Variants in KCNK13 observed in about 807,000 individuals in gnomAD.
KCNK13 encodes the protein potassium two pore domain channel subfamily K member 13.
In KCNK13, 12 loss-of-function variants were observed where a neutral mutation model predicts 23.4. That is an observed-to-expected ratio of 0.51 (90% CI 0.33 to 0.83). The LOEUF is 0.83. Ranked by LOEUF, KCNK13 falls within the 40% of genes least tolerant of loss-of-function variation. The probability of loss-of-function intolerance (pLI) is 0.02; values close to 1 mark genes in which losing one functional copy is unlikely to be tolerated. For missense variants in KCNK13, 463 were observed against 556.3 expected (o/e 0.83, Z 1.69); for synonymous variants, 231 against 229.5 (o/e 1.01, Z -0.06).
At chr14:90,150,563 A>G (rs1457128970) in intron 1 of KCNK13, among the ~76,000 whole-genome samples, 1 of 152,224 alleles carries the variant, frequency 6.6e-6, no homozygotes, top group East Asian at 1.9e-4. Flanking sequence ...TGATGAGGCA[A>G]AAACCAGCCA....
At chr14:90,115,330 G>T (rs1889663761) in intron 1 of KCNK13, among the ~76,000 whole-genome samples, 2 of 152,146 alleles carry the variant, frequency 1.3e-5, no homozygotes, top group South Asian at 4.1e-4. Context: ...GCTCCTGCTG[G>T]TCACTGGGCT....
At chr14:90,097,619 A>G (rs1268925725) in intron 1 of KCNK13, among the ~76,000 whole-genome samples, 3 of 152,198 alleles carry the variant, frequency 2.0e-5, no homozygotes, top group African/African-American at 4.8e-5. Context: ...ATTGACTGCC[A>G]CAAACTGTAT....
intron 1 of KCNK13, among the ~76,000 whole-genome samples, chr14:90,141,794 T>TGTG (rs1555351989): frequency 8.0e-5 from 10 of 125,546 alleles, no homozygotes; most frequent in Non-Finnish European, 8.1e-5. Context: ...TTTTGTTTTT[T>TGTG]GGGGGGGGGG....
intron 1 of KCNK13, among the ~76,000 whole-genome samples, chr14:90,156,713 A>G (rs1461116890): frequency 6.6e-6 from 1 of 152,116 alleles, no homozygotes; most frequent in Non-Finnish European, 1.5e-5. Flanking sequence ...ATCCCATTCC[A>G]CAGATGAGGC....
At chr14:90,063,752 C>T (rs1888974510) in intron 1 of KCNK13, among the ~76,000 whole-genome samples, 1 of 152,182 alleles carries the variant, frequency 6.6e-6, no homozygotes, top group Admixed American at 6.5e-5. Context: ...CCAGGAGAAG[C>T]AGCACAAAAG....
At chr14:90,171,328 G>T (rs1419263898) in intron 1 of KCNK13, among the ~76,000 whole-genome samples, 1 of 152,210 alleles carries the variant, frequency 6.6e-6, no homozygotes, top group Non-Finnish European at 1.5e-5. Context: ...TTCCTTCTTG[G>T]TAATTTTCCA....
chr14:90,146,774 G>C (rs1890078151), intron 1 of KCNK13, among the ~76,000 whole-genome samples: 1 of 151,668 alleles, frequency 6.6e-6, no homozygotes. Flanking sequence ...CACTTAATAT[G>C]TTTATTGGTA....
rs1889339899 is a variant in KCNK13 at position 90,091,184 on chromosome 14, A to G, written c.334+28645A>G. Reference sequence around the variant, plus strand: ...GAGTTAGAGGGCCCCACATGATATTATTTTTTTAAATTGCATCCAGTTTGA... The same window carrying G: ...GAGTTAGAGGGCCCCACATGATATTGTTTTTTTAAATTGCATCCAGTTTGA... On this transcript the variant is annotated intron_variant, in intron 1 of 1. Transcript: ENST00000282146. 2.0e-5 allele frequency among the ~76,000 whole-genome samples: 3 copies of G among 152,120 alleles called. No individual in the cohort carries two copies. The South Asian group carries it at 6.2e-4, about 32-fold the overall frequency.
At chr14:90,145,198 A>G (rs1890059363) in intron 1 of KCNK13, among the ~76,000 whole-genome samples, 1 of 152,158 alleles carries the variant, frequency 6.6e-6, no homozygotes, top group African/African-American at 2.4e-5. Context: ...TTTTGAGTTC[A>G]GGAGCTTGAG....
intron 1 of KCNK13, among the ~76,000 whole-genome samples, chr14:90,138,964 A>T (rs535836074): frequency 2.0e-5 from 3 of 152,288 alleles, no homozygotes; most frequent in South Asian, 2.1e-4. Flanking sequence ...TCTAGAAGGC[A>T]ACAGTGGGGC....
chr14:90,123,343 C>T lies in KCNK13; in HGVS notation c.335-60768C>T, dbSNP rs1469457001. Among the ~76,000 whole-genome samples the T allele has an allele frequency of 2.0e-5, 3 of 152,198 alleles. No homozygotes were observed. The East Asian group carries it at 5.8e-4, about 29-fold the overall frequency. ...ACCTCTCTCCTTGGCTTGCAGGTGACTGCCTTCTGCCTGTGTCTCCATGTG... is the reference window on the plus strand; with the variant it reads ...ACCTCTCTCCTTGGCTTGCAGGTGATTGCCTTCTGCCTGTGTCTCCATGTG... On this transcript the variant is annotated intron_variant, in intron 1 of 1. Transcript: ENST00000282146.
chr14:90,138,483 C>G (rs1162725482), intron 1 of KCNK13, among the ~76,000 whole-genome samples: 1 of 152,220 alleles, frequency 6.6e-6, no homozygotes, highest in Admixed American at 6.5e-5. Context: ...ACCTGTCACA[C>G]AGTTAGGACT....
chr14:90,182,560 G>T (rs11849694), intron 1 of KCNK13, among the ~76,000 whole-genome samples: 63,524 of 151,948 alleles, frequency 0.42, 14,122 homozygotes, highest in East Asian at 0.62. Context: ...GGTGGCTTAT[G>T]CCCGTAATCC....
intron 1 of KCNK13, among the ~76,000 whole-genome samples, chr14:90,131,228 A>T (rs540638482): frequency 6.5e-4 from 98 of 151,860 alleles, no homozygotes; most frequent in Non-Finnish European, 1.3e-3. Flanking sequence ...TTATTTATTT[A>T]TTCATTATTA....
intron 1 of KCNK13, among the ~76,000 whole-genome samples, chr14:90,087,627 T>C (rs1020379017): frequency 6.6e-6 from 1 of 152,226 alleles, no homozygotes; most frequent in Non-Finnish European, 1.5e-5. Flanking sequence ...GCTCAATCAC[T>C]GCGCAGCATA....
Position 90,072,143 on chromosome 14 carries a change from G to A in KCNK13, c.334+9604G>A, listed in dbSNP as rs1889083043. On this transcript the variant is annotated intron_variant, in intron 1 of 1. Transcript: ENST00000282146. ...TTTTGCCTCTTTTGGTTCAGCTGAT[G>A]TGAATTGCCAGACATTATACCAGGA... Among the ~76,000 whole-genome samples the A allele has an allele frequency of 2.0e-5, 3 of 152,126 alleles. No homozygotes were observed. In the South Asian group the frequency reaches 6.2e-4, roughly 32 times the overall value.
Position 90,106,167 on chromosome 14 carries a change from A to C in KCNK13, c.334+43628A>C, listed in dbSNP as rs146167949. Among the ~76,000 whole-genome samples the C allele has an allele frequency of 6.3e-3, 964 of 152,356 alleles. 14 individuals are homozygous for C. Among genetic ancestry groups the C allele is most frequent in the African/African-American group, 0.022 (915 of 41,588 alleles). ...CTAACTCCCTTTTTATGTCAAAAAT[A>C]ATTTAGGAGCTCGGTGCCATAAGGC... On this transcript the variant is annotated intron_variant, in intron 1 of 1. Transcript: ENST00000282146.
At chr14:90,067,243 T>C (rs1457936919) in intron 1 of KCNK13, among the ~76,000 whole-genome samples, 1 of 152,228 alleles carries the variant, frequency 6.6e-6, no homozygotes, top group African/African-American at 2.4e-5. Context: ...CACTCCAGCC[T>C]GGGTGACAGA....
At chr14:90,109,085 G>A (rs757352891) in intron 1 of KCNK13, among the ~76,000 whole-genome samples, 12 of 151,798 alleles carry the variant, frequency 7.9e-5, no homozygotes, top group Admixed American at 2.6e-4. Context: ...GCTGAGGCAG[G>A]AGCATGGCGT....
Sources: gnomAD v4.1 joint callset for allele counts (sites outside exome capture counted in the v4.1 genomes callset) on GRCh38, gnomAD v4.1.1 for gene constraint, MANE v1.5 for transcripts, NCBI Gene and HGNC (gene_info 2026-07-23, HGNC 2026-07-21) for gene names.